IFRD1: variants seen among roughly 807,000 people sequenced by gnomAD.
The protein encoded by IFRD1 is interferon-related developmental regulator 1.
In IFRD1, 35 loss-of-function variants were observed where a neutral mutation model predicts 52.9. The observed-to-expected ratio is 0.66, with a 90% CI of 0.51 to 0.88. The LOEUF (loss-of-function observed/expected upper bound fraction) is 0.88, where lower values mean the gene tolerates loss of function less well. IFRD1 is among the 40% of genes least tolerant of loss of function. The pLI is 0.00. For synonymous variants in IFRD1, 184 were observed against 188.4 expected (o/e 0.98, Z 0.19); for missense variants, 517 against 550.8 (o/e 0.94, Z 0.61).
intron 11 of IFRD1, among the ~76,000 whole-genome samples, chr7:112,475,213 C>G (rs532810479): frequency 6.6e-6 from 1 of 152,196 alleles, no homozygotes; most frequent in South Asian, 2.1e-4. Context: ...CCACCTCGGC[C>G]TCCCAGAGTG....
chr7:112,462,062 A>C lies in IFRD1; in HGVS notation c.680A>C (p.Lys227Thr), dbSNP rs1455328232. 5.0e-6 allele frequency: 8 copies of C among 1,613,484 alleles called. No homozygotes were observed. In the South Asian group the frequency reaches 8.8e-5, roughly 18 times the overall value. The change falls in exon 7 of 12, where the codon AAA (lysine) becomes ACA (threonine). Residue 227 changes from lysine (K) to threonine (T), a missense_variant. Lys to Thr is a moderately conservative substitution (Grantham distance 78). Coordinates refer to ENST00000403825, the MANE Select transcript of IFRD1 (RefSeq NM_001550.4). The stretch of plus-strand genomic sequence containing the variant: ...TTCACTAAATCCTATCTCAAAGAGA[A>C]AGACACTACTGTTATTTGCAGCACT... ...NIFTKSYLKE[K>T]DTTVICSTPN...
chr7:112,450,941 TG>T, intron 1 of IFRD1, 159 bp downstream of exon 1: 1 of 674,998 alleles, frequency 1.5e-6, no homozygotes, highest in Non-Finnish European at 2.6e-6. Context: ...CAGCGTGCCC[TG>T]GGCGCTGCTC....
rs1795447797 is a variant in IFRD1 at position 112,461,903 on chromosome 7, C to T, written c.605C>T (p.Thr202Ile). 1.2e-6 allele frequency: 2 copies of T among 1,607,138 alleles called. No homozygotes were observed. The highest frequency in any genetic ancestry group is 2.7e-5 in the African/African-American group (2 of 74,754). The change falls in exon 6 of 12, where the codon ACA (threonine) becomes ATA (isoleucine). Residue 202 changes from threonine (T) to isoleucine (I), a missense_variant. By Grantham distance (89) the Thr-to-Ile change is moderately conservative (BLOSUM62 -1). Transcript: ENST00000403825. Reference sequence around the variant, plus strand: ...TTTGGTGTTTGCTGTTTTATTGCCACAGATGACATTACTGTAAGTAAAAAA... The same window carrying T: ...TTTGGTGTTTGCTGTTTTATTGCCATAGATGACATTACTGTAAGTAAAAAA... ...TCFGVCCFIA[T>I]DDITELYSTL...
intron 5 of IFRD1, among the ~76,000 whole-genome samples, chr7:112,460,248 T>G (rs13311554): frequency 0.024 from 3,348 of 141,656 alleles, 149 homozygotes; most frequent in African/African-American, 0.084. Context: ...AGGGTTTTTT[T>G]TTTTTTTTTT....
At position 112,438,896 on chromosome 7, in the gene IFRD1, C is replaced by T. The variant is rs1794784734; in HGVS notation, c.-181-11612C>T. Among the ~76,000 whole-genome samples the T allele has an allele frequency of 1.3e-5, 2 of 152,088 alleles. 1 individual carries two copies. Among genetic ancestry groups the T allele is most frequent in the South Asian group, 4.1e-4 (2 of 4,820 alleles). ...TGACCTGAGCATAATGAAAGTTAGC[C>T]ACCTGGGATACCGTTGACAGAAAAA... is the stretch of plus-strand genomic sequence containing the variant. On this transcript the variant is annotated intron_variant, in intron 1 of 12. Transcript: ENST00000005558.
At chr7:112,451,725 A>G (rs1795170752) in intron 1 of IFRD1, among the ~76,000 whole-genome samples, 1 of 152,190 alleles carries the variant, frequency 6.6e-6, no homozygotes, top group South Asian at 2.1e-4. Flanking sequence ...ACCCCAATAA[A>G]CTCAAATCGA....
chr7:112,448,880 G>T (rs1300560241), upstream of IFRD1, among the ~76,000 whole-genome samples: 2 of 152,214 alleles, frequency 1.3e-5, no homozygotes, highest in African/African-American at 4.8e-5. Context: ...ACAAGAACAG[G>T]AAAGAATATG....
intron 11 of IFRD1, among the ~76,000 whole-genome samples, chr7:112,474,775 T>C (rs1795850869): frequency 6.6e-6 from 1 of 152,120 alleles, no homozygotes; most frequent in Non-Finnish European, 1.5e-5. Context: ...CTTCATCACT[T>C]TTTTCCTTGT....
rs574636163 is a variant in IFRD1, at chr7:112,430,244, T to C, written c.-182+6812T>C. ...GGAGCCCAATTCTTTTTTAGGAAAA[T>C]GCTGTTTTCTATATCATAATTCCCT... On this transcript the variant is annotated intron_variant, in intron 1 of 12. Transcript: ENST00000005558. Among the ~76,000 whole-genome samples, 126 of 152,274 alleles carry C rather than the reference T, an allele frequency of 8.3e-4. 1 individual carries two copies. Among genetic ancestry groups the C allele is most frequent in the African/African-American group, 2.8e-3 (116 of 41,566 alleles).
chr7:112,474,333 T>C (rs539368543), intron 11 of IFRD1, among the ~76,000 whole-genome samples: 1 of 152,288 alleles, frequency 6.6e-6, no homozygotes, highest in South Asian at 2.1e-4. Context: ...CCAAACTCTT[T>C]TCCATAGCTG....
intron 1 of IFRD1, among the ~76,000 whole-genome samples, chr7:112,424,270 T>C (rs1006717244): frequency 5.3e-5 from 8 of 152,148 alleles, no homozygotes; most frequent in African/African-American, 1.7e-4. Flanking sequence ...GAGAGTTCTG[T>C]TGCAGGCATA....
At chr7:112,468,692 G>T (rs1208817359) in intron 9 of IFRD1, among the ~76,000 whole-genome samples, 1 of 152,116 alleles carries the variant, frequency 6.6e-6, no homozygotes, top group African/African-American at 2.4e-5. Flanking sequence ...TAGAGACAGG[G>T]TTTCACCATC....
chr7:112,455,650 A>G, intron 1 of IFRD1, 113 bp from the exon 2 acceptor site: 1 of 723,248 alleles, frequency 1.4e-6, no homozygotes, highest in South Asian at 1.5e-5. Flanking sequence ...TTATAAAATG[A>G]GTCTGTGGTT....
chr7:112,440,220 A>T (rs1226809621), intron 1 of IFRD1, among the ~76,000 whole-genome samples: 1 of 152,124 alleles, frequency 6.6e-6, no homozygotes, highest in Non-Finnish European at 1.5e-5. Context: ...CCTGACCTCA[A>T]GTGATCTGTC....
Position 112,450,677 on chromosome 7 carries a change from G to A in IFRD1, c.-12G>A, listed in dbSNP as rs2117278284. 2 of 1,608,978 alleles carry A rather than the reference G, an allele frequency of 1.2e-6. No individual in the cohort carries two copies. ...CTAAGCTCCGACTCTGGGCGGCACC[G>A]GGCGTCCCACGATGCCGAAGAACAA... On this transcript the variant is annotated 5_prime_UTR_variant, in exon 1 of 12. Coordinates refer to ENST00000403825, the MANE Select transcript of IFRD1 (RefSeq NM_001550.4).
intron 3 of IFRD1, 140 bp from the exon 4 acceptor site, chr7:112,456,774 G>T: frequency 1.3e-6 from 1 of 754,292 alleles, no homozygotes; most frequent in Non-Finnish European, 2.2e-6. Flanking sequence ...TTATATTATT[G>T]ACAAATGGTT....
chr7:112,450,516 G>C lies in IFRD1; in HGVS notation c.-173G>C. ...ATCGTTTTCGATCACAGCTCTTCAC[G>C]GGGATTTCTGCTGCCGCCACCGCCC... On this transcript the variant is annotated 5_prime_UTR_variant, in exon 1 of 12. Coordinates refer to ENST00000403825, the MANE Select transcript of IFRD1 (RefSeq NM_001550.4). The C allele has an allele frequency of 1.1e-5, 7 of 649,302 alleles. No homozygotes were observed. The highest frequency in any genetic ancestry group is 5.5e-5 in the East Asian group (2 of 36,398). The allele number at this position is 649,302 out of a possible 1,614,324, so 40.2% of individuals were successfully genotyped here.
At chr7:112,424,586 G>A (rs535400022) in intron 1 of IFRD1, among the ~76,000 whole-genome samples, 1 of 151,956 alleles carries the variant, frequency 6.6e-6, no homozygotes, top group African/African-American at 2.4e-5. Flanking sequence ...GCTAAGTTTT[G>A]TATTTTTAGT....
At chr7:112,453,844 T>G (rs1795223297) in intron 1 of IFRD1, among the ~76,000 whole-genome samples, 1 of 152,138 alleles carries the variant, frequency 6.6e-6, no homozygotes, top group Non-Finnish European at 1.5e-5. Flanking sequence ...TTCTCTGTTT[T>G]GATTTTAAAA....
Sources: allele counts gnomAD v4.1 joint callset (sites outside exome capture counted in the v4.1 genomes callset), GRCh38; gene constraint gnomAD v4.1.1; transcripts MANE v1.5; gene names NCBI Gene and HGNC (gene_info 2026-07-23, HGNC 2026-07-21).